Variants in SPOUT1 observed in about 807,000 individuals in gnomAD.
The protein encoded by SPOUT1 is 28S rRNA (uridine-N(3))-methyltransferase.
Under a neutral mutation model 54.8 loss-of-function variants are expected in SPOUT1, and 40 were observed. That is an observed-to-expected ratio of 0.73 (90% CI 0.57 to 0.95). SPOUT1 has a LOEUF of 0.95. Ranked by LOEUF, SPOUT1 falls within the 40% of genes least tolerant of loss-of-function variation. The probability of loss-of-function intolerance (pLI) is 0.00; values close to 1 mark genes in which losing one functional copy is unlikely to be tolerated. For synonymous variants in SPOUT1, 193 were observed against 200.3 expected, an observed-to-expected ratio of 0.96 and a Z score of 0.31; for missense variants, 437 against 499.5, an observed-to-expected ratio of 0.87 and a Z score of 1.19.
rs533184176 is a variant in SPOUT1, at chr9:128,828,802, C to T, written c.141G>A (p.Gln47=). ...DLKLMKKLER[Q]RAQEEQAKRL... ...GCTTTGCCTGTTCCTCCTGTGCCCGCTGCCGCTCCAGTTTTTTCATCAGCT... is the reference window on the plus strand; with the variant it reads ...GCTTTGCCTGTTCCTCCTGTGCCCGTTGCCGCTCCAGTTTTTTCATCAGCT... Residue 47 remains glutamine, a synonymous_variant, in exon 3 of 12, where the codon CAG becomes CAA. Coordinates refer to ENST00000361256, the MANE Select transcript of SPOUT1 (RefSeq NM_016390.4). The T allele has an allele frequency of 6.2e-7, 1 of 1,614,208 alleles. No homozygotes were observed. The highest frequency in any genetic ancestry group is 1.7e-5 in the Admixed American group (1 of 60,026).
At chr9:128,823,708 G>T in intron 11 of SPOUT1, 39 bp downstream of exon 11, 1 of 1,564,540 alleles carries the variant, frequency 6.4e-7, no homozygotes, top group East Asian at 2.3e-5. Context: ...AGATCCCAAG[G>T]CCCCAGTGGC....
chr9:128,822,370 C>T lies in SPOUT1; in HGVS notation c.*395G>A, dbSNP rs55985529. 4.3e-3 allele frequency: 6,900 copies of T among 1,613,898 alleles called. 249 individuals carry two copies. In the African/African-American group the frequency reaches 0.079, roughly 18 times the overall value. The stretch of plus-strand genomic sequence containing the variant: ...AATCCTACGTAAAGTACCAGGTCAT[C>T]GGCAAGAACCACGTGGCAGTGCCCA... On this transcript the variant is annotated 3_prime_UTR_variant, in exon 12 of 12. Transcript: ENST00000361256.
At position 128,829,094 on chromosome 9, in the gene SPOUT1, AC is replaced by A; in HGVS notation, c.82+15del. 3 of 1,608,770 alleles carry A rather than the reference AC, an allele frequency of 1.9e-6. No homozygotes were observed. The highest frequency in any genetic ancestry group is 2.6e-6 in the Non-Finnish European group (3 of 1,175,130). ...GAGTGGCCTATGGGAAGATACTCTT[AC>A]CCACCCTTACTTACTCTGTTGCTTC... On this transcript the variant is annotated intron_variant, in intron 2 of 11. Transcript: ENST00000361256.
rs145990870 is a variant in SPOUT1 at position 128,824,128 on chromosome 9, G to T, written c.858C>A (p.Thr286=). The T allele has an allele frequency of 9.1e-5, 147 of 1,613,560 alleles. No homozygotes were observed. The highest frequency in any genetic ancestry group is 1.6e-4 in the Middle Eastern group (1 of 6,084). ...CTGAGCCGCGCTCTGACGTCCCGAT[G>T]GTCAGGTCATACCCATCTTGGAAGG... ...EAPFQDGYDL[T]IGTSERGSDV... is the part of the protein sequence containing the mutation. The change falls in exon 10 of 12, where the codon ACC becomes ACA. Residue 286 remains threonine (T), a synonymous_variant. Coordinates refer to ENST00000361256, the MANE Select transcript of SPOUT1 (RefSeq NM_016390.4).
intron 7 of SPOUT1, among the ~76,000 whole-genome samples, chr9:128,825,485 C>T (rs1355726439): frequency 6.6e-6 from 1 of 152,156 alleles, no homozygotes; most frequent in Non-Finnish European, 1.5e-5. Flanking sequence ...ATGCGTGCCA[C>T]CACACCTGGA....
At chr9:128,828,710 G>A in intron 3 of SPOUT1, 25 bp downstream of exon 3, 2 of 1,612,022 alleles carry the variant, frequency 1.2e-6, no homozygotes, top group Non-Finnish European at 1.7e-6. Flanking sequence ...CACAACCTGT[G>A]GCCCTCCCCA....
chr9:128,828,508 A>G (rs1340804027), intron 3 of SPOUT1, among the ~76,000 whole-genome samples: 2 of 151,812 alleles, frequency 1.3e-5, no homozygotes, highest in Non-Finnish European at 2.9e-5. Flanking sequence ...AAAAAAAAAA[A>G]AAGAGAGATA....
At chr9:128,825,137 G>A in intron 7 of SPOUT1, 88 bp from the exon 8 acceptor site, 1 of 977,704 alleles carries the variant, frequency 1.0e-6, no homozygotes, top group Non-Finnish European at 1.6e-6. Context: ...GGGAGCCCCG[G>A]GGCTGGCAAG....
chr9:128,829,641 C>T, intron 1 of SPOUT1, 104 bp downstream of exon 1: 2 of 866,880 alleles, frequency 2.3e-6, no homozygotes, highest in Non-Finnish European at 3.6e-6. Context: ...CAGCGGGAAG[C>T]AGGCAGCAGG....
At position 128,825,010 on chromosome 9, in the gene SPOUT1, C is replaced by A. The variant is rs1167874283; in HGVS notation, c.679G>T (p.Val227Leu). The stretch of plus-strand genomic sequence containing the variant: ...TGCTGCTGGTTCAGTCGCACAGTCA[C>A]CCGAAGCCCGGGCTCCAGGTTCTTG... ...IDKNLEPGLR[V>L]TVRLNQQQHP... Residue 227 changes from valine to leucine, a missense_variant, in exon 8 of 12, where the codon GTG becomes TTG. Coordinates refer to ENST00000361256, the MANE Select transcript of SPOUT1 (RefSeq NM_016390.4). 8 of 1,585,890 alleles carry A rather than the reference C, an allele frequency of 5.0e-6. No homozygotes were observed. The highest frequency in any genetic ancestry group is 1.3e-5 in the African/African-American group (1 of 74,546).
Position 128,820,448 on chromosome 9 carries a change from C to G in SPOUT1, c.*2317G>C, listed in dbSNP as rs1589588461. 1.1e-5 allele frequency: 4 copies of G among 380,430 alleles called. No homozygotes were observed. The East Asian group carries it at 1.9e-4, about 18-fold the overall frequency. 23.6% of individuals were successfully genotyped at this position (380,430 alleles called of 1,614,324 possible). On this transcript the variant is annotated 3_prime_UTR_variant, in exon 12 of 12. Coordinates refer to ENST00000361256, the MANE Select transcript of SPOUT1 (RefSeq NM_016390.4). ...AGGAGACCCTGGGTGGGGCTGGGGA[C>G]AGGCCTCAGTCCTCTCTGAAAGGTG...
chr9:128,829,449 G>A (rs1470801212), intron 1 of SPOUT1, among the ~76,000 whole-genome samples: 3 of 152,212 alleles, frequency 2.0e-5, no homozygotes, highest in Non-Finnish European at 4.4e-5. Context: ...CGCCCTGGAA[G>A]TCAGAAAAGG....
intron 1 of SPOUT1, 36 bp downstream of exon 1, chr9:128,829,709 T>C (rs913335118): frequency 3.0e-5 from 45 of 1,523,156 alleles, no homozygotes; most frequent in Non-Finnish European, 3.8e-5. Flanking sequence ...GCCTCCACCA[T>C]GCTGCCCTGC....
At position 128,824,972 on chromosome 9, in the gene SPOUT1, G is replaced by T. The variant is rs892090599; in HGVS notation, c.712+5C>A. ...AACCCAGGGGTTGGGGAACCTTCCA[G>T]ATACCTGGGTGCTGCTGCTGGTTCA... On this transcript the variant is annotated splice_donor_5th_base_variant and intron_variant, in intron 8 of 11. Transcript: ENST00000361256. The T allele has an allele frequency of 1.2e-6, 2 of 1,600,388 alleles. No homozygotes were observed. The highest frequency in any genetic ancestry group is 2.7e-5 in the African/African-American group (2 of 74,774).
chr9:128,825,584 A>T (rs1018833625), intron 7 of SPOUT1, among the ~76,000 whole-genome samples: 2 of 152,166 alleles, frequency 1.3e-5, no homozygotes, highest in African/African-American at 4.8e-5. Flanking sequence ...CGCCTGCCTC[A>T]GCCTCCCAAA....
In SPOUT1 at chr9:128,829,073, G is replaced by A. The variant is rs771944954; in HGVS notation, c.82+37C>T. On this transcript the variant is annotated intron_variant, in intron 2 of 11. Transcript: ENST00000361256. ...GGGTTTGACTGAGCACTGGTGGAGT[G>A]GCCTATGGGAAGATACTCTTACCCA... The A allele has an allele frequency of 3.8e-6, 6 of 1,583,038 alleles. No individual in the cohort carries two copies. The Admixed American group carries it at 6.7e-5, about 18-fold the overall frequency.
Position 128,822,696 on chromosome 9 carries a change from G to A in SPOUT1, c.*69C>T, listed in dbSNP as rs529251603. On this transcript the variant is annotated 3_prime_UTR_variant, in exon 12 of 12. Coordinates refer to ENST00000361256, the MANE Select transcript of SPOUT1 (RefSeq NM_016390.4). ...TTTGGAGACAAGTCTGGTGGCGTCC[G>A]TCCCAAGTGACCTGCAGAGCCCCTG... 312 of 1,553,790 alleles carry A rather than the reference G, an allele frequency of 2.0e-4. No homozygotes were observed. The highest frequency in any genetic ancestry group is 6.6e-4 in the East Asian group (27 of 41,220).
chr9:128,820,626 T>C lies in SPOUT1; in HGVS notation c.*2139A>G, dbSNP rs1268929289. On this transcript the variant is annotated 3_prime_UTR_variant, in exon 12 of 12. Coordinates refer to ENST00000361256, the MANE Select transcript of SPOUT1 (RefSeq NM_016390.4). ...CCTTGAGCCTCAGTTTCCCCCCGCT[T>C]GTCTCACTGGATATCTCTGAGCCTG... The C allele has an allele frequency of 1.2e-5, 10 of 836,474 alleles. No homozygotes were observed. In the African/African-American group the frequency reaches 1.7e-4, roughly 14 times the overall value. The allele number at this position is 836,474 out of a possible 1,614,324, so 51.8% of individuals were successfully genotyped here.
rs765941137 is a variant in SPOUT1, at chr9:128,820,867, G to T, written c.*1898C>A. Reference sequence around the variant, plus strand: ...TGCCCAGGTAAGGTGGAAACCAGGGGGGCGGCAGAACCTCCCACTCACCTG... The same window carrying T: ...TGCCCAGGTAAGGTGGAAACCAGGGTGGCGGCAGAACCTCCCACTCACCTG... On this transcript the variant is annotated 3_prime_UTR_variant, in exon 12 of 12. Coordinates refer to ENST00000361256, the MANE Select transcript of SPOUT1 (RefSeq NM_016390.4). The T allele has an allele frequency of 6.3e-7, 1 of 1,589,440 alleles. No homozygotes were observed. The highest frequency in any genetic ancestry group is 2.3e-5 in the East Asian group (1 of 44,220).
Sources: gnomAD v4.1 joint callset for allele counts (sites outside exome capture counted in the v4.1 genomes callset) on GRCh38, gnomAD v4.1.1 for gene constraint, MANE v1.5 for transcripts, NCBI Gene and HGNC (gene_info 2026-07-23, HGNC 2026-07-21) for gene names.